Variants in RYR3 observed in about 807,000 individuals in gnomAD.
The protein encoded by RYR3 is brain ryanodine receptor-calcium release channel.
A neutral mutation model predicts 584.3 loss-of-function variants in RYR3; 207 were observed. That is an observed-to-expected ratio of 0.35 (90% CI 0.32 to 0.40). RYR3 has a LOEUF of 0.40. Among genes scored for constraint, RYR3 ranks in the 10% least tolerant of loss-of-function variants. RYR3 has a pLI of 1.00. For missense variants in RYR3, 5,616 were observed against 6,089.2 expected, an observed-to-expected ratio of 0.92 and a Z score of 2.59; for synonymous variants, 2,416 against 2,248.5, an observed-to-expected ratio of 1.07 and a Z score of -2.11.
At chr15:33,675,161 G>A (rs1428044275) in intron 38 of RYR3, among the ~76,000 whole-genome samples, 1 of 152,232 alleles carries the variant, frequency 6.6e-6, no homozygotes, top group African/African-American at 2.4e-5. Context: ...CATGTATTTT[G>A]TAATATTTGG....
intron 31 of RYR3, among the ~76,000 whole-genome samples, chr15:33,650,434 A>AG (rs2062399768): frequency 6.6e-6 from 1 of 152,216 alleles, no homozygotes; most frequent in Admixed American, 6.5e-5. Context: ...CTGGGTTCTT[A>AG]GGGGTATGAC....
intron 66 of RYR3, among the ~76,000 whole-genome samples, 179 bp from the exon 67 acceptor site, chr15:33,788,039 C>T (rs1596587451): frequency 6.6e-6 from 1 of 152,190 alleles, no homozygotes; most frequent in East Asian, 1.9e-4. Flanking sequence ...CCTCGGTTCC[C>T]CATCCCTCAA....
chr15:33,402,009 G>T (rs1411653741), intron 1 of RYR3, among the ~76,000 whole-genome samples: 1 of 152,146 alleles, frequency 6.6e-6, no homozygotes, highest in Non-Finnish European at 1.5e-5. Context: ...TGAGAAAGAT[G>T]AGGTTCTTCC....
chr15:33,417,337 A>G (rs2043889234), intron 1 of RYR3, among the ~76,000 whole-genome samples: 1 of 151,998 alleles, frequency 6.6e-6, no homozygotes, highest in South Asian at 2.1e-4. Flanking sequence ...ATGTCTCTCC[A>G]TTTGTTTGTG....
intron 93 of RYR3, among the ~76,000 whole-genome samples, chr15:33,847,403 T>C (rs1377976141): frequency 6.6e-6 from 1 of 152,228 alleles, no homozygotes; most frequent in Non-Finnish European, 1.5e-5. Flanking sequence ...TGTTGCCAAG[T>C]AGCCAGTGGC....
chr15:33,702,013 AG>A (rs1345394700), intron 42 of RYR3, among the ~76,000 whole-genome samples: 2 of 152,208 alleles, frequency 1.3e-5, no homozygotes, highest in Non-Finnish European at 2.9e-5. Context: ...ACACTGTGCC[AG>A]GCTTTATTCT....
At chr15:33,397,169 C>T (rs911907133) in intron 1 of RYR3, among the ~76,000 whole-genome samples, 1 of 152,180 alleles carries the variant, frequency 6.6e-6, no homozygotes, top group East Asian at 1.9e-4. Context: ...AGGTGCCCAT[C>T]CCCCAGGCTG....
intron 98 of RYR3, among the ~76,000 whole-genome samples, chr15:33,855,338 G>A (rs1253106148): frequency 6.6e-6 from 1 of 152,152 alleles, no homozygotes; most frequent in Non-Finnish European, 1.5e-5. Flanking sequence ...AGAGTAGCTG[G>A]GATTACAGGC....
At chr15:33,689,402 C>T (rs1276311527) in intron 38 of RYR3, among the ~76,000 whole-genome samples, 1 of 151,976 alleles carries the variant, frequency 6.6e-6, no homozygotes, top group Non-Finnish European at 1.5e-5. Context: ...CAGCATTCTC[C>T]CATGGATACT....
intron 67 of RYR3, among the ~76,000 whole-genome samples, 164 bp downstream of exon 67, chr15:33,788,622 C>T (rs2074893042): frequency 1.3e-5 from 2 of 152,180 alleles, no homozygotes; most frequent in Admixed American, 1.3e-4. Flanking sequence ...GCTGTAGGAG[C>T]TCTGGGCATT....
intron 5 of RYR3, among the ~76,000 whole-genome samples, chr15:33,536,836 T>C (rs1188791302): frequency 6.6e-6 from 1 of 152,208 alleles, no homozygotes; most frequent in East Asian, 1.9e-4. Flanking sequence ...GCATCTACTT[T>C]CAGCTCTTTT....
At chr15:33,581,803 A>G (rs1003398754) in intron 14 of RYR3, among the ~76,000 whole-genome samples, 160 bp downstream of exon 14, 1 of 152,186 alleles carries the variant, frequency 6.6e-6, no homozygotes, top group Non-Finnish European at 1.5e-5. Context: ...CCAGCTGTTC[A>G]TTCTGTTAAC....
intron 43 of RYR3, among the ~76,000 whole-genome samples, chr15:33,721,147 C>T (rs938676519): frequency 6.6e-6 from 1 of 152,170 alleles, no homozygotes; most frequent in Non-Finnish European, 1.5e-5. Context: ...ATAAGTTGTT[C>T]TGTGGGAAGC....
intron 1 of RYR3, among the ~76,000 whole-genome samples, chr15:33,461,691 A>C (rs570988581): frequency 6.6e-6 from 1 of 152,238 alleles, no homozygotes; most frequent in African/African-American, 2.4e-5. Context: ...GGAAACATTT[A>C]CTTACAGCAG....
At chr15:33,753,980 C>G (rs927091777) in intron 57 of RYR3, among the ~76,000 whole-genome samples, 4 of 152,084 alleles carry the variant, frequency 2.6e-5, no homozygotes, top group Non-Finnish European at 5.9e-5. Flanking sequence ...CCCATCTCTA[C>G]TAAAAATACA....
intron 2 of RYR3, among the ~76,000 whole-genome samples, chr15:33,481,869 A>G (rs1401517719): frequency 6.6e-6 from 1 of 151,610 alleles, no homozygotes; most frequent in African/African-American, 2.4e-5. Flanking sequence ...TATTTATACA[A>G]ATTCCCTTAT....
chr15:33,394,975 C>T (rs11630321), intron 1 of RYR3, among the ~76,000 whole-genome samples: 16,826 of 152,026 alleles, frequency 0.11, 1,058 homozygotes, highest in South Asian at 0.28. Context: ...TACTGATACC[C>T]GGGTCCCAAT....
chr15:33,848,217 T>A, intron 93 of RYR3, 74 bp from the exon 94 acceptor site: 1 of 1,583,828 alleles, frequency 6.3e-7, no homozygotes, highest in South Asian at 1.1e-5. Flanking sequence ...AAGGTTAATT[T>A]GTGACAAATA....
intron 1 of RYR3, among the ~76,000 whole-genome samples, chr15:33,381,230 T>C (rs1324477752): frequency 6.6e-6 from 1 of 152,110 alleles, no homozygotes; most frequent in Non-Finnish European, 1.5e-5. Flanking sequence ...GAGAGAAAAG[T>C]GATCTTAGAA....
Sources: gnomAD v4.1 joint callset for allele counts (sites outside exome capture counted in the v4.1 genomes callset) on GRCh38, gnomAD v4.1.1 for gene constraint, MANE v1.5 for transcripts, NCBI Gene and HGNC (gene_info 2026-07-23, HGNC 2026-07-21) for gene names.